The following NFATC2 variants were observed in gnomAD, a reference collection of about 807,000 sequenced individuals.
NFATC2 encodes nuclear factor of activated T-cells, cytoplasmic 2.
In NFATC2, 22 loss-of-function variants were observed where a neutral mutation model predicts 87.3. That is an observed-to-expected ratio of 0.25 (90% CI 0.18 to 0.36). The LOEUF (loss-of-function observed/expected upper bound fraction) is 0.36, where lower values mean the gene tolerates loss of function less well. NFATC2 is among the 10% of genes least tolerant of loss of function. The pLI, the probability that NFATC2 is intolerant of heterozygous loss-of-function variation, is 1.00. For missense variants in NFATC2, 1,149 were observed against 1,259.1 expected, an observed-to-expected ratio of 0.91 and a Z score of 1.32; for synonymous variants, 565 against 542.2, an observed-to-expected ratio of 1.04 and a Z score of -0.58.
chr20:51,479,880 C>T (rs1440216866), intron 3 of NFATC2, among the ~76,000 whole-genome samples: 1 of 152,226 alleles, frequency 6.6e-6, no homozygotes, highest in Non-Finnish European at 1.5e-5. Context: ...CCCTGCCACC[C>T]TCTCTCTGTC....
At chr20:51,422,376 C>T (rs1283542213) in intron 9 of NFATC2, among the ~76,000 whole-genome samples, 3 of 152,150 alleles carry the variant, frequency 2.0e-5, no homozygotes, top group Non-Finnish European at 4.4e-5. Flanking sequence ...ATTCAGCCCT[C>T]AGTTTGTCTT....
At chr20:51,502,542 C>T (rs2076106796) in intron 3 of NFATC2, among the ~76,000 whole-genome samples, 1 of 152,104 alleles carries the variant, frequency 6.6e-6, no homozygotes, top group African/African-American at 2.4e-5. Flanking sequence ...GGTAATGTTG[C>T]CCAAGCTTGT....
rs146215855 is a variant in NFATC2, at chr20:51,524,978, G to T, written c.131-868C>A. 6.6e-6 allele frequency among the ~76,000 whole-genome samples: 1 copy of T among 152,114 alleles called. No individual in the cohort carries two copies. Among genetic ancestry groups the T allele is most frequent in the Admixed American group, 6.5e-5 (1 of 15,278 alleles). ...CTCACACCTGGAATCCCGGCACTTC[G>T]GGAGGCTGAGGCGGGCAGATCACTT... On this transcript the variant is annotated intron_variant, in intron 1 of 10. Coordinates refer to ENST00000371564, the MANE Select transcript of NFATC2 (RefSeq NM_012340.5). The surrounding 1 kb of genome is among the most constrained non-coding windows in gnomAD (Gnocchi z 4.0).
chr20:51,446,978 CG>C (rs1985149265), intron 6 of NFATC2, among the ~76,000 whole-genome samples: 1 of 152,092 alleles, frequency 6.6e-6, no homozygotes, highest in South Asian at 2.1e-4. Flanking sequence ...AACATCACGC[CG>C]GGTACAACCA....
At chr20:51,535,575 C>T (rs2076706771) in intron 1 of NFATC2, among the ~76,000 whole-genome samples, 1 of 152,164 alleles carries the variant, frequency 6.6e-6, no homozygotes, top group Admixed American at 6.5e-5. Context: ...CATCAGTGGC[C>T]CCTGCCAACC....
chr20:51,550,675 T>A (rs147715315), intron 1 of NFATC2, among the ~76,000 whole-genome samples: 1 of 152,302 alleles, frequency 6.6e-6, no homozygotes, highest in East Asian at 1.9e-4. Flanking sequence ...TAGTCTAGCC[T>A]ACCTTAAACA....
chr20:51,506,879 C>A (rs2076191747), intron 3 of NFATC2, among the ~76,000 whole-genome samples: 1 of 152,214 alleles, frequency 6.6e-6, no homozygotes, highest in African/African-American at 2.4e-5. Flanking sequence ...TCAGCTTCAC[C>A]TAAGGTCCCT....
rs950172424 is a variant in NFATC2, at chr20:51,480,516, A to G, written c.1333-4856T>C. 1.3e-5 allele frequency among the ~76,000 whole-genome samples: 2 copies of G among 152,240 alleles called. No homozygotes were observed. The highest frequency in any genetic ancestry group is 4.8e-5 in the African/African-American group (2 of 41,472). On this transcript the variant is annotated intron_variant, in intron 3 of 10. Transcript: ENST00000371564. The surrounding 1 kb of genome is among the most constrained non-coding windows in gnomAD (Gnocchi z 4.2). ...CTGGGCTGGCTTATACAATGTGAGC[A>G]GATAGAATCCACCTGGCACTGGTGA...
intron 9 of NFATC2, among the ~76,000 whole-genome samples, chr20:51,402,779 C>T (rs1218321941): frequency 1.3e-5 from 2 of 152,216 alleles, no homozygotes. Flanking sequence ...AAGATTTCCA[C>T]CCTAACTTGC....
intron 9 of NFATC2, among the ~76,000 whole-genome samples, chr20:51,407,259 A>G (rs1227746896): frequency 6.6e-6 from 1 of 151,974 alleles, no homozygotes; most frequent in Admixed American, 6.6e-5. Context: ...CCTCCGTGCC[A>G]CCCCATCATG....
chr20:51,407,512 G>A (rs867127146), intron 9 of NFATC2, among the ~76,000 whole-genome samples: 7 of 152,322 alleles, frequency 4.6e-5, no homozygotes, highest in African/African-American at 9.6e-5. Flanking sequence ...TTCATCTTGT[G>A]GACATCGGGT....
chr20:51,476,124 C>G (rs929077851), intron 3 of NFATC2, among the ~76,000 whole-genome samples: 6 of 148,086 alleles, frequency 4.1e-5, no homozygotes, highest in African/African-American at 1.5e-4. Context: ...ATGTGCACAA[C>G]GTGCAGGTTA....
At chr20:51,461,983 G>A (rs1287035625) in intron 5 of NFATC2, among the ~76,000 whole-genome samples, 2 of 152,012 alleles carry the variant, frequency 1.3e-5, no homozygotes, top group African/African-American at 2.4e-5. Flanking sequence ...GCTGGGCGTG[G>A]TGGTACGTGC....
At chr20:51,405,255 T>A (rs1171859116) in intron 9 of NFATC2, among the ~76,000 whole-genome samples, 2 of 152,054 alleles carry the variant, frequency 1.3e-5, no homozygotes, top group Non-Finnish European at 2.9e-5. Context: ...CCTCCACCAC[T>A]AGACTTCAAT....
At chr20:51,430,829 C>T (rs1200335285) in intron 9 of NFATC2, among the ~76,000 whole-genome samples, 4 of 152,154 alleles carry the variant, frequency 2.6e-5, no homozygotes, top group East Asian at 1.9e-4. Context: ...TCAAAGCTTT[C>T]GCTTTACTTC....
At chr20:51,549,179 G>A (rs957833255) in intron 1 of NFATC2, among the ~76,000 whole-genome samples, 17 of 151,826 alleles carry the variant, frequency 1.1e-4, no homozygotes, top group Admixed American at 1.1e-3. Flanking sequence ...AAAACAAGGA[G>A]TGAGAGAAAA....
chr20:51,532,578 A>T (rs1193189028), intron 1 of NFATC2, among the ~76,000 whole-genome samples: 2 of 152,128 alleles, frequency 1.3e-5, no homozygotes, highest in Admixed American at 1.3e-4. Context: ...CAGGCCACAC[A>T]GTGGTCCCCG....
chr20:51,438,899 C>A (rs1983951139), intron 6 of NFATC2, among the ~76,000 whole-genome samples: 1 of 152,218 alleles, frequency 6.6e-6, no homozygotes, highest in African/African-American at 2.4e-5. Flanking sequence ...AGCCTTTAAG[C>A]AACAACTGAC....
At chr20:51,498,498 A>G (rs570315610) in intron 3 of NFATC2, among the ~76,000 whole-genome samples, 2 of 152,306 alleles carry the variant, frequency 1.3e-5, no homozygotes, top group African/African-American at 4.8e-5. Context: ...AGGCTATGGA[A>G]AAAAAGAAAC....
Sources: allele counts gnomAD v4.1 joint callset (sites outside exome capture counted in the v4.1 genomes callset), GRCh38; gene constraint gnomAD v4.1.1; non-coding constraint Gnocchi (gnomAD v3.1); transcripts MANE v1.5; gene names NCBI Gene and HGNC (gene_info 2026-07-23, HGNC 2026-07-21).